Variants in FOXK1 observed in about 807,000 individuals in gnomAD.
The protein encoded by FOXK1 is forkhead box protein K1.
FOXK1 carries 19 observed loss-of-function variants against 51.9 expected under a neutral mutation model. The ratio of observed to expected loss-of-function variants is 0.37; its 90% CI spans 0.26 to 0.54. The LOEUF (loss-of-function observed/expected upper bound fraction) is 0.54. Ranked by LOEUF, FOXK1 falls within the 20% of genes least tolerant of loss-of-function variation. The pLI, the probability that FOXK1 is intolerant of heterozygous loss-of-function variation, is 0.87. For missense variants in FOXK1, 870 were observed against 1,032.7 expected, an observed-to-expected ratio of 0.84 and a Z score of 2.16; for synonymous variants, 537 against 482.6, an observed-to-expected ratio of 1.11 and a Z score of -1.48.
intron 1 of FOXK1, among the ~76,000 whole-genome samples, chr7:4,693,137 C>T (rs1010055035): frequency 4.6e-5 from 7 of 152,172 alleles, no homozygotes; most frequent in African/African-American, 1.4e-4. Context: ...TTTGTAACAT[C>T]ATACATTGGC....
intron 1 of FOXK1, among the ~76,000 whole-genome samples, chr7:4,705,554 T>TCTCTCTCTCTCTCTCGCTCTCGCTCTCG (rs895937029): frequency 7.6e-6 from 1 of 131,514 alleles, no homozygotes; most frequent in African/African-American, 3.2e-5. Flanking sequence ...TCTCTCTCTC[T>TCTCTCTCTCTCTCTCGCTCTCGCTCTCG]CTCTCGCTCT....
chr7:4,759,173 A>C lies in FOXK1; in HGVS notation c.1367A>C (p.Lys456Thr). The change falls in exon 6 of 9, where the codon AAG becomes ACG. Residue 456 changes from lysine (K) to threonine (T), a missense_variant. Lys to Thr is a moderately conservative substitution (Grantham distance 78). Around this residue, in one of 3 missense-constraint regions of FOXK1, gnomAD observed 457 missense variants for 510.8 expected, o/e 0.89. Coordinates refer to ENST00000328914, the MANE Select transcript of FOXK1 (RefSeq NM_001037165.2). ...PIPHDPEFGS[K>T]LASVPEYRYS... ...CCACACGACCCTGAGTTTGGGTCCA[A>C]GTTAGCTTCTGTCCCAGAGTACCGG... 6.2e-7 allele frequency: 1 copy of C among 1,609,642 alleles called. No individual in the cohort carries two copies. The highest frequency in any genetic ancestry group is 8.5e-7 in the Non-Finnish European group (1 of 1,178,166).
rs546321524 is a variant in FOXK1 at position 4,763,526 on chromosome 7, C to G, written c.*1062C>G. On this transcript the variant is annotated 3_prime_UTR_variant, in exon 9 of 9. Coordinates refer to ENST00000328914, the MANE Select transcript of FOXK1 (RefSeq NM_001037165.2). Reference sequence around the variant, plus strand: ...TTCTCCTGCCTGAAACTCCAGGGCCCCTCCCTGGGCTGTCCGTGAGCAGGA... The same window carrying G: ...TTCTCCTGCCTGAAACTCCAGGGCCGCTCCCTGGGCTGTCCGTGAGCAGGA... 2 of 152,336 alleles carry G rather than the reference C, an allele frequency of 1.3e-5. No homozygotes were observed. Among genetic ancestry groups the G allele is most frequent in the Non-Finnish European group, 2.9e-5 (2 of 68,106 alleles). The allele number at this position is 152,336 out of a possible 1,614,324, so 9.4% of individuals were successfully genotyped here. A position where few individuals can be genotyped will look rare whatever the true frequency, so the allele number is the denominator to read the frequency against.
chr7:4,721,889 C>G (rs1476863104), intron 1 of FOXK1, among the ~76,000 whole-genome samples: 1 of 152,194 alleles, frequency 6.6e-6, no homozygotes, highest in South Asian at 2.1e-4. Flanking sequence ...CCACGCCCGG[C>G]CTGTTTTCAT....
intron 1 of FOXK1, among the ~76,000 whole-genome samples, chr7:4,720,873 C>CA (rs893387144): frequency 4.6e-5 from 7 of 151,740 alleles, no homozygotes; most frequent in African/African-American, 1.7e-4. Context: ...CATGCACCAC[C>CA]ACGCCCACTT....
intron 1 of FOXK1, among the ~76,000 whole-genome samples, chr7:4,704,450 CAAAAAAAAA>C (rs3050383): frequency 1.5e-5 from 1 of 66,478 alleles, no homozygotes; most frequent in Non-Finnish European, 3.1e-5. Flanking sequence ...GACTCTGTCT[CAAAAAAAAA>C]AAAAAAAAAG....
At chr7:4,704,907 C>A (rs891970123) in intron 1 of FOXK1, among the ~76,000 whole-genome samples, 14 of 148,472 alleles carry the variant, frequency 9.4e-5, no homozygotes, top group African/African-American at 3.6e-4. Context: ...ACTCAGCTCA[C>A]TGCAACCTCC....
At position 4,722,471 on chromosome 7, in the gene FOXK1, C is replaced by G. The variant is rs1277326742; in HGVS notation, c.561-18367C>G. On this transcript the variant is annotated intron_variant, in intron 1 of 8. Transcript: ENST00000328914. This position sits in a 1 kb window ranked among gnomAD's most constrained non-coding sequence, Gnocchi z 5.1. ...AAGTGGCAGCGGTGCCGGACATACA[C>G]GGCAGGGCAGTGGGCTGCTCAGCAC... Among the ~76,000 whole-genome samples the G allele has an allele frequency of 6.6e-6, 1 of 152,214 alleles. No individual in the cohort carries two copies. Among genetic ancestry groups the G allele is most frequent in the Admixed American group, 6.5e-5 (1 of 15,278 alleles).
chr7:4,740,797 T>C (rs1162875514), intron 1 of FOXK1, 41 bp from the exon 2 acceptor site: 2 of 1,562,634 alleles, frequency 1.3e-6, no homozygotes, highest in African/African-American at 1.4e-5. Context: ...TCTTCTTGAG[T>C]CTCCTCCTGC....
chr7:4,687,796 G>C (rs551862362), intron 1 of FOXK1, among the ~76,000 whole-genome samples: 1 of 152,302 alleles, frequency 6.6e-6, no homozygotes, highest in East Asian at 1.9e-4. Flanking sequence ...ACTTCTGTTT[G>C]TGGTAACTTT....
At chr7:4,740,012 C>T (rs999519800) in intron 1 of FOXK1, among the ~76,000 whole-genome samples, 3 of 152,204 alleles carry the variant, frequency 2.0e-5, no homozygotes, top group Non-Finnish European at 4.4e-5. Flanking sequence ...AGACAACTGA[C>T]GGCTGGGCAC....
intron 3 of FOXK1, 27 bp downstream of exon 3, chr7:4,754,642 C>T (rs1431455065): frequency 6.3e-7 from 1 of 1,594,000 alleles, no homozygotes; most frequent in Non-Finnish European, 8.5e-7. Context: ...CGCCGTGGTG[C>T]ACCTGGTGAC....
rs1780888974 is a variant in FOXK1 at position 4,758,754 on chromosome 7, A to T, written c.1245-297A>T. ...GAAGGCCTGGGCCATTTTCATGGAC[A>T]CCTGGCTGGACCTCGGTGGAAGTGA... On this transcript the variant is annotated intron_variant, in intron 5 of 8. Coordinates refer to ENST00000328914, the MANE Select transcript of FOXK1 (RefSeq NM_001037165.2). This position sits in a 1 kb window ranked among gnomAD's most constrained non-coding sequence, Gnocchi z 4.4. 4 of 376,822 alleles carry T rather than the reference A, an allele frequency of 1.1e-5. No individual in the cohort carries two copies. Among genetic ancestry groups the T allele is most frequent in the Non-Finnish European group, 1.4e-5 (3 of 209,966 alleles). The allele number at this position is 376,822 out of a possible 1,614,324, so 23.3% of individuals were successfully genotyped here. A position where few individuals can be genotyped will look rare whatever the true frequency, so the allele number is the denominator to read the frequency against.
intron 1 of FOXK1, among the ~76,000 whole-genome samples, chr7:4,721,071 C>T (rs563674024): frequency 1.3e-5 from 2 of 152,270 alleles, no homozygotes; most frequent in South Asian, 2.1e-4. Flanking sequence ...TGCACGGGCC[C>T]TCCGTGCCCC....
In FOXK1 at chr7:4,747,374, C is replaced by T. The variant is rs1248446877; in HGVS notation, c.746+6351C>T. On this transcript the variant is annotated intron_variant, in intron 2 of 8. Transcript: ENST00000328914. This position sits in a 1 kb window ranked among gnomAD's most constrained non-coding sequence, Gnocchi z 9.2. Reference sequence around the variant, plus strand: ...CCTCTCCGCTCAAGCACCCACTCAGCTCTGTGAGGTCTATGCCTAACATGA... The same window carrying T: ...CCTCTCCGCTCAAGCACCCACTCAGTTCTGTGAGGTCTATGCCTAACATGA... Among the ~76,000 whole-genome samples, 5 of 152,238 alleles carry T rather than the reference C, an allele frequency of 3.3e-5. No individual in the cohort carries two copies. Among genetic ancestry groups the T allele is most frequent in the Admixed American group, 6.5e-5 (1 of 15,284 alleles).
rs1193570631 is a variant in FOXK1, at chr7:4,731,488, A to G, written c.561-9350A>G. Among the ~76,000 whole-genome samples, 3 of 152,044 alleles carry G rather than the reference A, an allele frequency of 2.0e-5. No individual in the cohort carries two copies. Among genetic ancestry groups the G allele is most frequent in the Admixed American group, 6.5e-5 (1 of 15,278 alleles). ...TGAAAAGAGAGAGGCGGCCGGGCAC[A>G]GTGGCTCACGCCTGTAATCCCAGCA... On this transcript the variant is annotated intron_variant, in intron 1 of 8. Coordinates refer to ENST00000328914, the MANE Select transcript of FOXK1 (RefSeq NM_001037165.2). The surrounding 1 kb of genome is among the most constrained non-coding windows in gnomAD (Gnocchi z 5.3).
At chr7:4,688,204 C>T (rs1292891265) in intron 1 of FOXK1, among the ~76,000 whole-genome samples, 3 of 146,800 alleles carry the variant, frequency 2.0e-5, no homozygotes, top group African/African-American at 7.6e-5. Flanking sequence ...AAGCAAATCA[C>T]AGATGTCATC....
At chr7:4,752,226 C>G (rs1445225535) in intron 2 of FOXK1, among the ~76,000 whole-genome samples, 1 of 152,238 alleles carries the variant, frequency 6.6e-6, no homozygotes, top group Non-Finnish European at 1.5e-5. Flanking sequence ...CTCACTGTAG[C>G]CTCAAACTCC....
intron 1 of FOXK1, among the ~76,000 whole-genome samples, chr7:4,706,572 C>G (rs1011163987): frequency 1.3e-5 from 2 of 152,154 alleles, no homozygotes; most frequent in African/African-American, 2.4e-5. Flanking sequence ...CTCCACCCTT[C>G]CTCAATGTGG....
Sources: allele counts gnomAD v4.1 joint callset (sites outside exome capture counted in the v4.1 genomes callset), GRCh38; gene constraint gnomAD v4.1.1; regional missense constraint gnomAD v4.1.1; non-coding constraint Gnocchi (gnomAD v3.1); transcripts MANE v1.5; gene names NCBI Gene and HGNC (gene_info 2026-07-23, HGNC 2026-07-21).